HHAT: variants seen among roughly 807,000 people sequenced by gnomAD.
The protein encoded by HHAT is protein-cysteine N-palmitoyltransferase HHAT.
In HHAT, 47 loss-of-function variants were observed where a neutral mutation model predicts 70.8. That is an observed-to-expected ratio of 0.66 (90% CI 0.53 to 0.85). The LOEUF is 0.85. HHAT is among the 40% of genes least tolerant of loss of function. The pLI is 0.00. For synonymous variants in HHAT, 228 were observed against 247.6 expected (o/e 0.92, Z 0.74); for missense variants, 609 against 604.8 (o/e 1.01, Z -0.07).
chr1:210,347,296 A>C (rs1387853647), intron 1 of HHAT, among the ~76,000 whole-genome samples: 1 of 152,064 alleles, frequency 6.6e-6, no homozygotes, highest in Non-Finnish European at 1.5e-5. Context: ...TGACCTCATC[A>C]CATTTGTCAT....
intron 9 of HHAT, among the ~76,000 whole-genome samples, chr1:210,540,836 C>G (rs1420211134): frequency 6.6e-6 from 1 of 151,798 alleles, no homozygotes; most frequent in Non-Finnish European, 1.5e-5. Flanking sequence ...TAAAGTATTG[C>G]TTTATTTAAT....
intron 9 of HHAT, among the ~76,000 whole-genome samples, chr1:210,560,804 C>A (rs1469017831): frequency 1.9e-5 from 2 of 103,720 alleles, no homozygotes; most frequent in African/African-American, 3.5e-5. Flanking sequence ...CAAAGTGAGA[C>A]CCTGTGTCTT....
intron 2 of HHAT, among the ~76,000 whole-genome samples, chr1:210,360,257 G>A (rs1349168905): frequency 6.6e-6 from 1 of 151,814 alleles, no homozygotes; most frequent in Non-Finnish European, 1.5e-5. Context: ...ATGAGACAAA[G>A]GTGATTTATA....
intron 2 of HHAT, among the ~76,000 whole-genome samples, chr1:210,351,697 A>G (rs995243016): frequency 6.6e-6 from 1 of 152,178 alleles, no homozygotes; most frequent in African/African-American, 2.4e-5. Context: ...GCTGGCTTTC[A>G]GCTGAGAGCT....
At chr1:210,416,346 T>G (rs2092721114) in intron 6 of HHAT, among the ~76,000 whole-genome samples, 1 of 152,172 alleles carries the variant, frequency 6.6e-6, no homozygotes, top group Admixed American at 6.5e-5. Flanking sequence ...TACCGGCTAA[T>G]GTGTGCAGAT....
intron 6 of HHAT, among the ~76,000 whole-genome samples, chr1:210,412,944 A>G (rs2092608307): frequency 6.6e-6 from 1 of 152,168 alleles, no homozygotes. Context: ...CACAGGAGCC[A>G]CCCTTGGGGC....
At chr1:210,420,472 G>T (rs140108656) in intron 7 of HHAT, among the ~76,000 whole-genome samples, 108 of 152,178 alleles carry the variant, frequency 7.1e-4, no homozygotes, top group African/African-American at 2.6e-3. Context: ...GAGCTCATGT[G>T]TAAGGGTTTC....
intron 7 of HHAT, among the ~76,000 whole-genome samples, chr1:210,448,860 A>C (rs564416813): frequency 4.6e-5 from 7 of 152,222 alleles, no homozygotes; most frequent in Admixed American, 4.6e-4. Flanking sequence ...CTGACTCTCT[A>C]TTCCCTAGAT....
At chr1:210,601,304 T>C (rs1664212290) in intron 10 of HHAT, among the ~76,000 whole-genome samples, 1 of 152,182 alleles carries the variant, frequency 6.6e-6, no homozygotes, top group African/African-American at 2.4e-5. Context: ...AAGACATACA[T>C]ATCTAGTTGG....
chr1:210,515,440 T>G (rs12145163), intron 9 of HHAT, among the ~76,000 whole-genome samples: 16,798 of 152,182 alleles, frequency 0.11, 1,202 homozygotes, highest in South Asian at 0.19. Context: ...TCTCACCTCT[T>G]TATTTGTAGC....
intron 3 of HHAT, among the ~76,000 whole-genome samples, chr1:210,384,155 A>G (rs2090868430): frequency 6.6e-6 from 1 of 152,250 alleles, no homozygotes; most frequent in African/African-American, 2.4e-5. Context: ...TAAGAAACCC[A>G]GAACAATCAT....
chr1:210,647,448 C>T (rs529140048), intron 11 of HHAT, among the ~76,000 whole-genome samples: 50 of 152,288 alleles, frequency 3.3e-4, no homozygotes, highest in African/African-American at 1.1e-3. Flanking sequence ...TTTCCTCCAG[C>T]CAGGATGCCT....
At chr1:210,522,802 G>T (rs1320475809) in intron 9 of HHAT, among the ~76,000 whole-genome samples, 5 of 151,502 alleles carry the variant, frequency 3.3e-5, no homozygotes, top group Non-Finnish European at 4.4e-5. Context: ...TGGAATCAGA[G>T]TAACAGGATT....
intron 7 of HHAT, among the ~76,000 whole-genome samples, chr1:210,419,358 G>C (rs552953703): frequency 3.3e-5 from 5 of 152,316 alleles, no homozygotes; most frequent in Non-Finnish European, 5.9e-5. Context: ...CTAGTCTCCA[G>C]TATAGGATTT....
intron 8 of HHAT, among the ~76,000 whole-genome samples, chr1:210,486,876 A>G (rs1242262756): frequency 6.6e-6 from 1 of 152,194 alleles, no homozygotes; most frequent in Non-Finnish European, 1.5e-5. Context: ...ACAGGCTGCC[A>G]GCCTAAAGGA....
intron 3 of HHAT, among the ~76,000 whole-genome samples, chr1:210,386,272 T>C (rs1223589549): frequency 3.2e-5 from 4 of 123,650 alleles, no homozygotes; most frequent in African/African-American, 3.2e-5. Context: ...AGAGTCTCGC[T>C]CTGTCGCCCA....
chr1:210,484,488 T>C (rs1299525083), intron 8 of HHAT, among the ~76,000 whole-genome samples: 1 of 117,654 alleles, frequency 8.5e-6, no homozygotes, highest in African/African-American at 4.0e-5. Context: ...GCTGTTACCA[T>C]AGCTACTTTT....
At chr1:210,435,415 A>G (rs996305900) in intron 7 of HHAT, among the ~76,000 whole-genome samples, 28 of 151,918 alleles carry the variant, frequency 1.8e-4, no homozygotes, top group African/African-American at 6.8e-4. Context: ...ATTGTGAATA[A>G]TGCTGCAATA....
At chr1:210,672,701 A>C (rs1351558852) in intron 11 of HHAT, among the ~76,000 whole-genome samples, 8 of 152,232 alleles carry the variant, frequency 5.3e-5, no homozygotes, top group African/African-American at 1.2e-4. Context: ...TGCAGAAGAC[A>C]TGAAGATTGT....
Sources: allele counts gnomAD v4.1 joint callset (sites outside exome capture counted in the v4.1 genomes callset), GRCh38; gene constraint gnomAD v4.1.1; transcripts MANE v1.5; gene names NCBI Gene and HGNC (gene_info 2026-07-23, HGNC 2026-07-21).